C5orf24: variants seen among roughly 807,000 people sequenced by gnomAD.
C5orf24 encodes the protein UPF0461 protein C5orf24.
Under a neutral mutation model 9.8 loss-of-function variants are expected in C5orf24, and 4 were observed. That is an observed-to-expected ratio of 0.41 (90% CI 0.20 to 0.93). C5orf24 has a LOEUF of 0.93. C5orf24 is among the 40% of genes least tolerant of loss of function. The pLI is 0.33. For synonymous variants in C5orf24, 73 were observed against 81.3 expected (o/e 0.90, Z 0.55); for missense variants, 170 against 236.9 (o/e 0.72, Z 1.85).
intron 1 of C5orf24, among the ~76,000 whole-genome samples, chr5:134,847,838 T>TA (rs1756038552): frequency 6.6e-6 from 1 of 152,090 alleles, no homozygotes; most frequent in African/African-American, 2.4e-5. Context: ...TAGCTGGAGT[T>TA]ACAGGCACCC....
At chr5:134,846,410 G>C (rs1391791537) in intron 1 of C5orf24, 198 bp downstream of exon 1, 1 of 152,210 alleles carries the variant, frequency 6.6e-6, no homozygotes, top group Non-Finnish European at 1.5e-5. Context: ...TCCTGCGGCG[G>C]GGGGAGGGAG....
intron 1 of C5orf24, among the ~76,000 whole-genome samples, chr5:134,848,589 A>T (rs1450688127): frequency 8.1e-6 from 1 of 123,430 alleles, no homozygotes; most frequent in Non-Finnish European, 1.6e-5. Flanking sequence ...TGAACCCGGG[A>T]GGTGGAGGTT....
At chr5:134,844,370 ACT>A (rs1755942839), upstream of C5orf24, among the ~76,000 whole-genome samples, 1 of 151,952 alleles carries the variant, frequency 6.6e-6, no homozygotes, top group Non-Finnish European at 1.5e-5. Context: ...ACAGGGTCTC[ACT>A]CTGTTGCCCA....
Position 134,855,518 on chromosome 5 carries a change from C to A in C5orf24, c.*51C>A. 1 of 1,594,364 alleles carries A rather than the reference C, an allele frequency of 6.3e-7. No homozygotes were observed. The highest frequency in any genetic ancestry group is 1.1e-5 in the South Asian group (1 of 87,698). On this transcript the variant is annotated 3_prime_UTR_variant, in exon 2 of 2. Coordinates refer to ENST00000394976, the MANE Select transcript of C5orf24 (RefSeq NM_001135586.1). ...TTAGAAGGAAGATTGTGAATAATCC[C>A]AAAGCTTCTTGGTTTTATTTTGATA...
At chr5:134,844,762 C>T (rs371992992), upstream of C5orf24, among the ~76,000 whole-genome samples, 2 of 151,606 alleles carry the variant, frequency 1.3e-5, no homozygotes, top group Non-Finnish European at 1.5e-5. Flanking sequence ...TTGTTTGAGA[C>T]GGAGTCTCGT....
rs1321316656 is a variant in C5orf24, at chr5:134,855,855, T to A, written c.*388T>A. 2 of 1,023,454 alleles carry A rather than the reference T, an allele frequency of 2.0e-6. No homozygotes were observed. Among genetic ancestry groups the A allele is most frequent in the Non-Finnish European group, 1.2e-6 (1 of 846,406 alleles). The allele number at this position is 1,023,454 out of a possible 1,614,324, so 63.4% of individuals were successfully genotyped here. On this transcript the variant is annotated 3_prime_UTR_variant, in exon 2 of 2. Transcript: ENST00000394976. ...ACAGTATAATAAAGACACTAACGTA[T>A]TTTTAACTGATGGAGCAAAAAAGCA...
intron 1 of C5orf24, among the ~76,000 whole-genome samples, chr5:134,849,456 G>A (rs73790716): frequency 0.01 from 1,576 of 152,200 alleles, 19 homozygotes; most frequent in African/African-American, 0.036. Context: ...TCTGAAAATA[G>A]GAAAGGATTG....
Position 134,858,016 on chromosome 5 carries a change from G to T in C5orf24, c.*2549G>T, listed in dbSNP as rs1756356986. On this transcript the variant is annotated 3_prime_UTR_variant, in exon 2 of 2. Coordinates refer to ENST00000394976, the MANE Select transcript of C5orf24 (RefSeq NM_001135586.1). The stretch of plus-strand genomic sequence containing the variant: ...TGCTGTGTGTCAGAAGATAAAACAG[G>T]TGTATTATTGTATAATGAATTTTGT... 1 of 166,924 alleles carries T rather than the reference G, an allele frequency of 6.0e-6. No homozygotes were observed. Among genetic ancestry groups the T allele is most frequent in the South Asian group, 2.1e-4 (1 of 4,834 alleles). 10.3% of individuals were successfully genotyped at this position (166,924 alleles called of 1,614,324 possible).
rs920802314 is a variant in C5orf24, at chr5:134,859,017, G to GA, written c.*3557dup. 2 of 166,220 alleles carry GA rather than the reference G, an allele frequency of 1.2e-5. No individual in the cohort carries two copies. Among genetic ancestry groups the GA allele is most frequent in the African/African-American group, 2.4e-5 (1 of 41,190 alleles). The allele number at this position is 166,220 out of a possible 1,614,324, so 10.3% of individuals were successfully genotyped here. ...GAATAGAGTTTCTTTGAGTTGAGGAGAAAAAAATATATATGTGGGTCCATT... is the reference window on the plus strand; with the variant it reads ...GAATAGAGTTTCTTTGAGTTGAGGAGAAAAAAAATATATATGTGGGTCCATT... On this transcript the variant is annotated 3_prime_UTR_variant, in exon 2 of 2. Transcript: ENST00000394976.
rs773814774 is a variant in C5orf24 at position 134,854,866 on chromosome 5, ATT to A, written c.-3-30_-3-29del. Reference sequence around the variant, plus strand: ...TACAGGTATGTATTTGTGTGTGTGTATTTATATATATTTGTCTTTTATTTTTG... The same window carrying A: ...TACAGGTATGTATTTGTGTGTGTGTATATATATATTTGTCTTTTATTTTTG... On this transcript the variant is annotated intron_variant, in intron 1 of 1. Transcript: ENST00000394976. 6 of 1,604,970 alleles carry A rather than the reference ATT, an allele frequency of 3.7e-6. No homozygotes were observed. In the African/African-American group the frequency reaches 8.1e-5, roughly 22 times the overall value.
intron 1 of C5orf24, among the ~76,000 whole-genome samples, chr5:134,853,228 G>A (rs1316814717): frequency 6.6e-6 from 1 of 151,968 alleles, no homozygotes. Context: ...AGGCGTGGTG[G>A]CACATGCCTG....
In C5orf24 at chr5:134,859,585, AG is replaced by A. The variant is rs1394777109; in HGVS notation, c.*4119del. ...AAGCACGCTGTCCTCTGCTGTAAAA[AG>A]TCTGAATAGATACTGTGTATGTTTT... is the stretch of plus-strand genomic sequence containing the variant. On this transcript the variant is annotated 3_prime_UTR_variant, in exon 2 of 2. Transcript: ENST00000394976. 1 of 167,102 alleles carries A rather than the reference AG, an allele frequency of 6.0e-6. No individual in the cohort carries two copies. The highest frequency in any genetic ancestry group is 1.5e-5 in the Non-Finnish European group (1 of 68,122). The allele number at this position is 167,102 out of a possible 1,614,324, so 10.4% of individuals were successfully genotyped here.
At chr5:134,844,972 G>T (rs1755953696), upstream of C5orf24, among the ~76,000 whole-genome samples, 3 of 152,034 alleles carry the variant, frequency 2.0e-5, no homozygotes, top group African/African-American at 7.2e-5. Context: ...TCCTGACCTC[G>T]TGATCTGCCC....
At position 134,858,159 on chromosome 5, in the gene C5orf24, A is replaced by T. The variant is rs1420349851; in HGVS notation, c.*2692A>T. 1 of 167,080 alleles carries T rather than the reference A, an allele frequency of 6.0e-6. No individual in the cohort carries two copies. Among genetic ancestry groups the T allele is most frequent in the Non-Finnish European group, 1.5e-5 (1 of 68,128 alleles). The allele number at this position is 167,080 out of a possible 1,614,324, so 10.3% of individuals were successfully genotyped here. The stretch of plus-strand genomic sequence containing the variant: ...GAGGGGCAAATGGCTACAGTTGTAA[A>T]TGGATAACATCATTTAGAAAGCCGA... On this transcript the variant is annotated 3_prime_UTR_variant, in exon 2 of 2. Coordinates refer to ENST00000394976, the MANE Select transcript of C5orf24 (RefSeq NM_001135586.1).
chr5:134,856,297 G>A lies in C5orf24; in HGVS notation c.*830G>A. The A allele has an allele frequency of 1.0e-6, 1 of 993,586 alleles. No individual in the cohort carries two copies. The highest frequency in any genetic ancestry group is 1.2e-6 in the Non-Finnish European group (1 of 824,194). 61.5% of individuals were successfully genotyped at this position (993,586 alleles called of 1,614,324 possible). ...AAAGAAGCATTCTCTAGGTTTGCAT[G>A]TAGCTATAGTCACTATATTTTGCCT... is the stretch of plus-strand genomic sequence containing the variant. On this transcript the variant is annotated 3_prime_UTR_variant, in exon 2 of 2. Transcript: ENST00000394976.
Position 134,857,186 on chromosome 5 carries a change from G to T in C5orf24, c.*1719G>T. The T allele has an allele frequency of 7.8e-7, 1 of 1,285,214 alleles. No individual in the cohort carries two copies. 79.6% of individuals were successfully genotyped at this position (1,285,214 alleles called of 1,614,324 possible). On this transcript the variant is annotated 3_prime_UTR_variant, in exon 2 of 2. Transcript: ENST00000394976. ...TTCCACTTAACTTTAAAGTTACAAT[G>T]TTTGTATTTGGGATTTTAAATGCCT...
the C5orf24 span, among the ~76,000 whole-genome samples, chr5:134,840,190 C>T: frequency 6.6e-6 from 1 of 151,670 alleles, no homozygotes; most frequent in Non-Finnish European, 1.5e-5. Context: ...ACCTGTAGTC[C>T]CAGCTACTCG....
chr5:134,842,494 GA>G (rs34006309), upstream of C5orf24, among the ~76,000 whole-genome samples: 1,360 of 128,044 alleles, frequency 0.011, 4 homozygotes, highest in Middle Eastern at 0.051. Context: ...GACTCCATCT[GA>G]AAAAAAAAAA....
chr5:134,853,307 G>A (rs1378983098), intron 1 of C5orf24, among the ~76,000 whole-genome samples: 3 of 150,124 alleles, frequency 2.0e-5, no homozygotes, highest in Non-Finnish European at 4.4e-5. Context: ...GTTGCGGTGA[G>A]CCAAGATTGT....
Sources: allele counts gnomAD v4.1 joint callset (sites outside exome capture counted in the v4.1 genomes callset), GRCh38; gene constraint gnomAD v4.1.1; transcripts MANE v1.5; gene names NCBI Gene and HGNC (gene_info 2026-07-23, HGNC 2026-07-21).